The following PQBP1 variants were observed in gnomAD, a reference collection of about 807,000 sequenced individuals.
PQBP1 encodes the protein polyglutamine binding protein 1.
In PQBP1, 3 loss-of-function variants were observed where a neutral mutation model predicts 20.9. The observed-to-expected ratio is 0.14, with a 90% confidence interval of 0.07 to 0.37. The LOEUF (loss-of-function observed/expected upper bound fraction) is 0.37, where lower values mean the gene tolerates loss of function less well. Among genes scored for constraint, PQBP1 ranks in the 10% least tolerant of loss-of-function variants. The probability of loss-of-function intolerance (pLI) is 1.00; values close to 1 mark genes in which losing one functional copy is unlikely to be tolerated. For missense variants in PQBP1, 162 were observed against 240.3 expected (o/e 0.67, Z 2.16); for synonymous variants, 83 against 93.8 (o/e 0.88, Z 0.67).
In PQBP1 at chrX:48,898,570, G is replaced by C. The variant is rs2023254669; in HGVS notation, c.61G>C (p.Glu21Gln). Reference protein sequence around the residue: ...LAKRGILKHLEPEPEEEIIAE... With the variant: ...LAKRGILKHLQPEPEEEIIAE... ...CAAGAGAGGCATCCTCAAACATCTG[G>C]AGCCTGGTGAGACAGCTAAAAGCAG... Residue 21 changes from glutamate (E) to glutamine (Q), a missense_variant, in exon 2 of 7, where the codon GAG becomes CAG. Transcript: ENST00000447146. The C allele has an allele frequency of 8.3e-7, 1 of 1,209,355 alleles. No homozygotes were observed. Among genetic ancestry groups the C allele is most frequent in the Non-Finnish European group, 1.1e-6 (1 of 894,147 alleles).
chrX:48,902,221 T>A lies in PQBP1; in HGVS notation c.293-12T>A. ...GGGTGGCAAGAGGTCACTTCAAGAC[T>A]TGTGTCCCCAGATGCTGAAGAAAAG... On this transcript the variant is annotated splice_polypyrimidine_tract_variant and intron_variant, in intron 4 of 6. Transcript: ENST00000447146. 2.5e-6 allele frequency: 3 copies of A among 1,211,021 alleles called. No homozygotes were observed. The highest frequency in any genetic ancestry group is 3.4e-6 in the Non-Finnish European group (3 of 895,333).
rs2063409025 is a variant in PQBP1 at position 48,901,460 on chromosome X, C to T, written c.179+159C>T. On this transcript the variant is annotated intron_variant, in intron 3 of 6. Coordinates refer to ENST00000447146, the MANE Select transcript of PQBP1 (RefSeq NM_001032382.2). ...GTTGCTGCCTGCTGGGGCCTGGCTC[C>T]TCTGGGGTTGGAAGACTGTCTTTTC... 12 of 1,060,897 alleles carry T rather than the reference C, an allele frequency of 1.1e-5. No individual in the cohort carries two copies. The South Asian group carries it at 1.8e-4, about 16-fold the overall frequency. The allele number at this position is 1,060,897 out of a possible 1,213,427, so 87.4% of individuals were successfully genotyped here.
chrX:48,898,114 C>T, intron 1 of PQBP1, 32 bp downstream of exon 1: 1 of 1,017,060 alleles, frequency 9.8e-7, no homozygotes. Flanking sequence ...TCTTTTGGAG[C>T]TGGAGGAAGT....
At chrX:48,902,895 C>A (rs2063448063) in intron 6 of PQBP1, 33 bp from the exon 7 acceptor site, 9 of 1,187,933 alleles carry the variant, frequency 7.6e-6, no homozygotes, top group Non-Finnish European at 1.0e-5. Flanking sequence ...CGCCACATCA[C>A]CCATCCCCAT....
chrX:48,901,212 C>A lies in PQBP1; in HGVS notation c.90C>A (p.Ala30=), dbSNP rs782102853. The change falls in exon 3 of 7, where the codon GCC becomes GCA. Residue 30 remains alanine (A), a synonymous_variant. Transcript: ENST00000447146. The part of the protein sequence containing the change: ...LEPEPEEEII[A]EDYDDDPVDY... ...CAGAACCAGAGGAAGAGATCATTGC[C>A]GAGGACTATGACGATGATCCTGTGG... is the stretch of plus-strand genomic sequence containing the variant. The A allele has an allele frequency of 8.3e-7, 1 of 1,209,600 alleles. No individual in the cohort carries two copies. The highest frequency in any genetic ancestry group is 1.7e-5 in the African/African-American group (1 of 57,674).
intron 1 of PQBP1, 35 bp downstream of exon 1, chrX:48,898,117 G>C (rs1460876963): frequency 3.0e-6 from 3 of 1,016,005 alleles, no homozygotes; most frequent in Non-Finnish European, 3.8e-6. Flanking sequence ...TTTGGAGCTG[G>C]AGGAAGTGCT....
At position 48,898,129 on chromosome X, in the gene PQBP1, C is replaced by T. The variant is rs1254408235; in HGVS notation, c.-19+47C>T. 3.9e-6 allele frequency: 4 copies of T among 1,014,246 alleles called. No homozygotes were observed. The African/African-American group carries it at 5.9e-5, about 15-fold the overall frequency. The allele number at this position is 1,014,246 out of a possible 1,213,427, so 83.6% of individuals were successfully genotyped here. The stretch of plus-strand genomic sequence containing the variant: ...TCTTTTGGAGCTGGAGGAAGTGCTG[C>T]CCTCTGCTCCCCCATCCCAGCGCTT... On this transcript the variant is annotated intron_variant, in intron 1 of 6. Transcript: ENST00000447146.
chrX:48,903,032 G>A lies in PQBP1; in HGVS notation c.746G>A (p.Gly249Glu), dbSNP rs1057518357. 1 of 1,205,999 alleles carries A rather than the reference G, an allele frequency of 8.3e-7. No homozygotes were observed. Among genetic ancestry groups the A allele is most frequent in the African/African-American group, 1.8e-5 (1 of 56,846 alleles). The change falls in exon 7 of 7, where the codon GGG (glycine) becomes GAG (glutamate). Residue 249 changes from glycine to glutamate, a missense_variant. Coordinates refer to ENST00000447146, the MANE Select transcript of PQBP1 (RefSeq NM_001032382.2). ...LFQQRPYPSP[G>E]AVLRANAEAS... ...CAGCAGCGGCCGTATCCATCCCCAGGGGCTGTGCTCCGGGCCAATGCAGAG... is the reference window on the plus strand; with the variant it reads ...CAGCAGCGGCCGTATCCATCCCCAGAGGCTGTGCTCCGGGCCAATGCAGAG...
In PQBP1 at chrX:48,902,450, G is replaced by A. The variant is rs782103312; in HGVS notation, c.510G>A (p.Arg170=). ...DRDRGYDKAD[R]EEGKERRHHR... ...ACCGCGGGTATGACAAGGCAGACCG[G>A]GAAGAGGGCAAAGAACGGCGCCACC... The change falls in exon 5 of 7, where the codon CGG becomes CGA. Residue 170 remains arginine (R), a synonymous_variant. Transcript: ENST00000447146. 1.6e-5 allele frequency: 19 copies of A among 1,206,640 alleles called. No homozygotes were observed. The highest frequency in any genetic ancestry group is 4.6e-4 in the Middle Eastern group (2 of 4,373).
rs1557040224 is a variant in PQBP1 at position 48,898,503 on chromosome X, A to G, written c.-7A>G. On this transcript the variant is annotated 5_prime_UTR_variant, in exon 2 of 7. Transcript: ENST00000447146. ...TCGTCTGTCCCTAGGTCTGTCTGCT[A>G]TCAGCTATGCCGCTGCCCGTTGCGC... 8.3e-7 allele frequency: 1 copy of G among 1,210,539 alleles called. No individual in the cohort carries two copies. The highest frequency in any genetic ancestry group is 1.1e-6 in the Non-Finnish European group (1 of 894,627).
rs1368744603 is a variant in PQBP1, at chrX:48,898,015, G to C, written c.-86G>C. The C allele has an allele frequency of 3.0e-6, 3 of 988,892 alleles. No homozygotes were observed. Among genetic ancestry groups the C allele is most frequent in the Non-Finnish European group, 2.6e-6 (2 of 760,291 alleles). The allele number at this position is 988,892 out of a possible 1,213,427, so 81.5% of individuals were successfully genotyped here. On this transcript the variant is annotated 5_prime_UTR_variant, in exon 1 of 7. Transcript: ENST00000447146. ...TGGGAAGAGAGTCGTGTGGGCCCAG[G>C]TATCGTAGCGGCGACACGAGAGAGA...
At chrX:48,901,380 C>G in intron 3 of PQBP1, 79 bp downstream of exon 3, 7 of 1,165,192 alleles carry the variant, frequency 6.0e-6, no homozygotes, top group Non-Finnish European at 8.0e-6. Flanking sequence ...TAGGGGGACA[C>G]AAGGGAGGGA....
Position 48,901,251 on chromosome X carries a change from C to T in PQBP1, c.129C>T (p.Thr43=), listed in dbSNP as rs1557041023. 4.1e-6 allele frequency: 5 copies of T among 1,209,714 alleles called. No individual in the cohort carries two copies. The South Asian group carries it at 7.1e-5, about 17-fold the overall frequency. ...ATGATCCTGTGGACTACGAGGCCAC[C>T]AGGTTGGAGGGCCTACCACCAAGCT... ...YDDDPVDYEA[T]RLEGLPPSWY... Residue 43 remains threonine, a synonymous_variant, in exon 3 of 7, where the codon ACC becomes ACT. Coordinates refer to ENST00000447146, the MANE Select transcript of PQBP1 (RefSeq NM_001032382.2).
In PQBP1 at chrX:48,902,324, C is replaced by T. The variant is rs782819795; in HGVS notation, c.384C>T (p.His128=). 2.6e-5 allele frequency: 32 copies of T among 1,208,632 alleles called. No individual in the cohort carries two copies. The highest frequency in any genetic ancestry group is 1.2e-4 in the South Asian group (7 of 56,653). Residue 128 remains histidine, a synonymous_variant, in exon 5 of 7, where the codon CAC becomes CAT. Transcript: ENST00000447146. ...GCCATGAGAAACTAGACAGGGGCCA[C>T]GACAAGTCAGACCGGGGCCACGACA... is the stretch of plus-strand genomic sequence containing the variant. ...DRSHEKLDRG[H]DKSDRGHDKS... is the part of the protein sequence containing the mutation.
At chrX:48,900,045 T>C (rs1329140008) in intron 2 of PQBP1, among the ~76,000 whole-genome samples, 1 of 109,887 alleles carries the variant, frequency 9.1e-6, no homozygotes, top group Non-Finnish European at 1.9e-5. Context: ...GGTCAGGAGA[T>C]CGAGACCATT....
chrX:48,901,836 C>T (rs1272417241), intron 3 of PQBP1, 94 bp from the exon 4 acceptor site: 10 of 1,170,419 alleles, frequency 8.5e-6, no homozygotes, highest in Non-Finnish European at 1.1e-5. Context: ...GGGGTCCTGA[C>T]ATGGGGCAGG....
chrX:48,897,946 C>G lies in PQBP1; in HGVS notation c.-155C>G. 1 of 882,254 alleles carries G rather than the reference C, an allele frequency of 1.1e-6. No individual in the cohort carries two copies. Among genetic ancestry groups the G allele is most frequent in the East Asian group, 3.5e-5 (1 of 28,880 alleles). The allele number at this position is 882,254 out of a possible 1,213,427, so 72.7% of individuals were successfully genotyped here. The stretch of plus-strand genomic sequence containing the variant: ...AGCGTAGTCCAGTTACTTTCAGGCT[C>G]GGGGAGTGAAGGCCTCGTTGAGAGA... On this transcript the variant is annotated 5_prime_UTR_variant, in exon 1 of 7. Coordinates refer to ENST00000447146, the MANE Select transcript of PQBP1 (RefSeq NM_001032382.2).
At chrX:48,900,284 C>CTTT (rs1162086780) in intron 2 of PQBP1, among the ~76,000 whole-genome samples, 10 of 32,474 alleles carry the variant, frequency 3.1e-4, no homozygotes, top group African/African-American at 5.2e-4. Flanking sequence ...CATTGATTTA[C>CTTT]TTTTTTTTTT....
intron 3 of PQBP1, 84 bp from the exon 4 acceptor site, chrX:48,901,846 G>T (rs1557041207): frequency 2.5e-6 from 3 of 1,184,277 alleles, no homozygotes; most frequent in African/African-American, 3.6e-5. Flanking sequence ...CATGGGGCAG[G>T]TATAGGCAGA....
Sources: gnomAD v4.1 joint callset for allele counts (sites outside exome capture counted in the v4.1 genomes callset) on GRCh38, gnomAD v4.1.1 for gene constraint, MANE v1.5 for transcripts, NCBI Gene and HGNC (gene_info 2026-07-23, HGNC 2026-07-21) for gene names.